DNAH9: variants seen among roughly 807,000 people sequenced by gnomAD.
DNAH9 encodes the protein dynein axonemal heavy chain 9.
In DNAH9, 345 loss-of-function variants were observed where a neutral mutation model predicts 471.6. The observed-to-expected ratio is 0.73, with a 90% CI of 0.67 to 0.80. The LOEUF (loss-of-function observed/expected upper bound fraction) is 0.80. Ranked by LOEUF, DNAH9 falls within the 30% of genes least tolerant of loss-of-function variation. DNAH9 has a pLI of 0.00. For missense variants in DNAH9, 5,407 were observed against 5,609.2 expected (o/e 0.96, Z 1.15); for synonymous variants, 2,093 against 2,123.6 (o/e 0.99, Z 0.40).
chr17:11,607,858 C>G (rs1305291657), intron 1 of DNAH9, among the ~76,000 whole-genome samples: 1 of 152,192 alleles, frequency 6.6e-6, no homozygotes, highest in African/African-American at 2.4e-5. Flanking sequence ...GCATGAACCA[C>G]CGCACTTAGC....
chr17:11,660,446 C>A (rs747235937), intron 14 of DNAH9, among the ~76,000 whole-genome samples: 1 of 151,734 alleles, frequency 6.6e-6, no homozygotes, highest in African/African-American at 2.4e-5. Context: ...CTTCAGCCTC[C>A]CAAATGGCTG....
At chr17:11,939,777 G>C (rs1428848764) in intron 66 of DNAH9, among the ~76,000 whole-genome samples, 10 of 151,808 alleles carry the variant, frequency 6.6e-5, no homozygotes, top group Admixed American at 6.6e-4. Context: ...TAAAGAGAAG[G>C]AGTGAGAAGG....
intron 19 of DNAH9, among the ~76,000 whole-genome samples, chr17:11,688,058 C>T (rs368322058): frequency 1.1e-3 from 120 of 109,658 alleles, no homozygotes; most frequent in African/African-American, 3.4e-3. Context: ...CACTTGAACC[C>T]GGGAGGCGGA....
Position 11,932,341 on chromosome 17 carries a change from T to G in DNAH9, c.12297+136T>G, listed in dbSNP as rs1385526610. 5 of 901,202 alleles carry G rather than the reference T, an allele frequency of 5.5e-6. No individual in the cohort carries two copies. In the Admixed American group the frequency reaches 1.4e-4, roughly 26 times the overall value. The allele number at this position is 901,202 out of a possible 1,614,324, so 55.8% of individuals were successfully genotyped here. The stretch of plus-strand genomic sequence containing the variant: ...CTAACAAGCTCCCTCGTGATGCAGA[T>G]GCTGCTGATTCGGGGACCATAATTT... On this transcript the variant is annotated intron_variant, in intron 64 of 68. Coordinates refer to ENST00000262442, the MANE Select transcript of DNAH9 (RefSeq NM_001372.4). This position sits in a 1 kb window ranked among gnomAD's most constrained non-coding sequence, Gnocchi z 4.3.
chr17:11,610,501 C>T lies in DNAH9; in HGVS notation c.720C>T (p.Leu240=). The T allele has an allele frequency of 6.2e-7, 1 of 1,613,482 alleles. No individual in the cohort carries two copies. The highest frequency in any genetic ancestry group is 8.5e-7 in the Non-Finnish European group (1 of 1,179,988). ...VVLKRESSQP[L]LQGENPTPKV... The stretch of plus-strand genomic sequence containing the variant: ...TCAAGAGAGAGTCTTCCCAGCCACT[C>T]TTACAAGGGGAGAATCCCACCCCTA... Residue 240 remains leucine, a synonymous_variant, in exon 3 of 69, where the codon CTC becomes CTT. Coordinates refer to ENST00000262442, the MANE Select transcript of DNAH9 (RefSeq NM_001372.4).
chr17:11,768,488 G>C lies in DNAH9; in HGVS notation c.7206G>C (p.Trp2402Cys). 7 of 1,614,098 alleles carry C rather than the reference G, an allele frequency of 4.3e-6. No homozygotes were observed. The highest frequency in any genetic ancestry group is 5.9e-6 in the Non-Finnish European group (7 of 1,179,990). ...VDYRAEFSKW[W>C]LTEFKTVKFP... Reference sequence around the variant, plus strand: ...ACCGGGCAGAGTTCAGCAAATGGTGGCTGACTGAGTTCAAAACAGTCAAGT... The same window carrying C: ...ACCGGGCAGAGTTCAGCAAATGGTGCCTGACTGAGTTCAAAACAGTCAAGT... The change falls in exon 37 of 69, where the codon TGG becomes TGC. Residue 2402 changes from tryptophan to cysteine, a missense_variant. Physicochemically the swap from Trp to Cys is radical, Grantham distance 215 (BLOSUM62 -2). Coordinates refer to ENST00000262442, the MANE Select transcript of DNAH9 (RefSeq NM_001372.4).
intron 67 of DNAH9, among the ~76,000 whole-genome samples, chr17:11,943,646 C>T (rs1225491421): frequency 1.3e-5 from 2 of 152,048 alleles, no homozygotes; most frequent in African/African-American, 4.8e-5. Context: ...CGCTGCACTC[C>T]AGCCTGGGTG....
intron 44 of DNAH9, 152 bp from the exon 45 acceptor site, chr17:11,810,094 C>T: frequency 1.1e-6 from 1 of 933,170 alleles, no homozygotes; most frequent in Non-Finnish European, 1.6e-6. Flanking sequence ...CCTGTCAGTG[C>T]AAGATAGCCC....
chr17:11,947,148 CCA>C (rs1273700323), intron 67 of DNAH9, among the ~76,000 whole-genome samples: 1 of 152,142 alleles, frequency 6.6e-6, no homozygotes, highest in Admixed American at 6.5e-5. Flanking sequence ...TGGGAATTCA[CCA>C]CAGTTAGACA....
At chr17:11,701,567 A>G (rs1163489962) in intron 24 of DNAH9, among the ~76,000 whole-genome samples, 1 of 152,216 alleles carries the variant, frequency 6.6e-6, no homozygotes, top group African/African-American at 2.4e-5. Flanking sequence ...AGCACAGGAC[A>G]CACCAGTAGG....
At chr17:11,811,467 G>A (rs531680837) in intron 45 of DNAH9, among the ~76,000 whole-genome samples, 17 of 152,184 alleles carry the variant, frequency 1.1e-4, no homozygotes, top group South Asian at 4.1e-4. Context: ...CAGCTCTACC[G>A]TAATTACTTT....
intron 67 of DNAH9, among the ~76,000 whole-genome samples, chr17:11,945,231 T>C (rs1372721454): frequency 6.6e-6 from 1 of 152,150 alleles, no homozygotes; most frequent in Non-Finnish European, 1.5e-5. Context: ...CCTTCCTCAC[T>C]TTCTTAGTTT....
intron 38 of DNAH9, among the ~76,000 whole-genome samples, chr17:11,776,470 C>A (rs1047194910): frequency 6.6e-6 from 1 of 152,016 alleles, no homozygotes. Flanking sequence ...TGCCTCATGA[C>A]CACCCCAGCT....
At chr17:11,743,749 T>A (rs2075466986) in intron 30 of DNAH9, among the ~76,000 whole-genome samples, 1 of 152,180 alleles carries the variant, frequency 6.6e-6, no homozygotes, top group Non-Finnish European at 1.5e-5. Context: ...TTAATACCAT[T>A]TCCTTAGGGA....
intron 23 of DNAH9, 96 bp downstream of exon 23, chr17:11,699,979 C>G: frequency 7.6e-7 from 1 of 1,321,632 alleles, no homozygotes; most frequent in Non-Finnish European, 1.1e-6. Context: ...CCTTTCTGAC[C>G]TTGGTCCAGA....
rs552163272 is a variant in DNAH9, at chr17:11,652,581, G to A, written c.2354-180G>A. Among the ~76,000 whole-genome samples, 725 of 152,142 alleles carry A rather than the reference G, an allele frequency of 4.8e-3. 5 individuals carry two copies. The highest frequency in any genetic ancestry group is 0.031 in the Middle Eastern group (9 of 294). ...ATTACAGGCGTGACCCACCGTGCCC[G>A]GCCAGGGTTGGCTTTTTAATACAAC... On this transcript the variant is annotated intron_variant, in intron 13 of 68. Transcript: ENST00000262442.
At chr17:11,731,350 C>T (rs182337185) in intron 28 of DNAH9, among the ~76,000 whole-genome samples, 250 of 150,768 alleles carry the variant, frequency 1.7e-3, no homozygotes, top group African/African-American at 5.5e-3. Context: ...AGCCGGGATA[C>T]ACAGGGTAGG....
At chr17:11,945,781 G>T (rs935884093) in intron 67 of DNAH9, among the ~76,000 whole-genome samples, 1 of 152,022 alleles carries the variant, frequency 6.6e-6, no homozygotes, top group Non-Finnish European at 1.5e-5. Context: ...ACTTGTGGCC[G>T]GGCGCAGTGG....
At chr17:11,762,735 A>G (rs1426852527) in intron 35 of DNAH9, among the ~76,000 whole-genome samples, 2 of 140,928 alleles carry the variant, frequency 1.4e-5, no homozygotes, top group Non-Finnish European at 3.1e-5. Flanking sequence ...TCAGAAATGC[A>G]CCAAAATTGC....
Sources: gnomAD v4.1 joint callset for allele counts (sites outside exome capture counted in the v4.1 genomes callset) on GRCh38, gnomAD v4.1.1 for gene constraint, Gnocchi (gnomAD v3.1) non-coding constraint, MANE v1.5 for transcripts, NCBI Gene and HGNC (gene_info 2026-07-23, HGNC 2026-07-21) for gene names.